SNTG1: variants seen among roughly 807,000 people sequenced by gnomAD.
SNTG1 encodes the protein syntrophin gamma 1, also known as gamma-1-syntrophin.
SNTG1 carries 39 observed loss-of-function variants against 74.7 expected under a neutral mutation model. The observed-to-expected ratio is 0.52, with a 90% CI of 0.40 to 0.68. The LOEUF (loss-of-function observed/expected upper bound fraction) is 0.68. Ranked by LOEUF, SNTG1 falls within the 30% of genes least tolerant of loss-of-function variation. The pLI, the probability that SNTG1 is intolerant of heterozygous loss-of-function variation, is 0.00. For missense variants in SNTG1, 685 were observed against 609.5 expected (o/e 1.12, Z -1.30); for synonymous variants, 254 against 217.1 (o/e 1.17, Z -1.49).
intron 15 of SNTG1, among the ~76,000 whole-genome samples, chr8:50,661,940 A>G (rs1244900586): frequency 6.6e-6 from 1 of 152,106 alleles, no homozygotes; most frequent in African/African-American, 2.4e-5. Context: ...CCTTTTCCCA[A>G]AGGAAAATTT....
chr8:49,987,361 TAAAC>T (rs1813262296), intron 1 of SNTG1, among the ~76,000 whole-genome samples: 1 of 151,994 alleles, frequency 6.6e-6, no homozygotes, highest in Non-Finnish European at 1.5e-5. Context: ...CAAAAGTAAA[TAAAC>T]AATTATTTAA....
chr8:50,687,141 C>CA (rs1167132296), intron 15 of SNTG1, among the ~76,000 whole-genome samples: 1,973 of 64,086 alleles, frequency 0.031, 27 homozygotes, highest in Middle Eastern at 0.087. Flanking sequence ...GACTCCGTCT[C>CA]AAAAAAAAAA....
intron 5 of SNTG1, among the ~76,000 whole-genome samples, chr8:50,446,327 T>A (rs775051233): frequency 4.9e-4 from 74 of 150,984 alleles, no homozygotes; most frequent in Non-Finnish European, 9.4e-4. Context: ...GAAGTCATTT[T>A]CAGAAATTAG....
At chr8:50,510,839 A>G (rs1241878084) in intron 9 of SNTG1, among the ~76,000 whole-genome samples, 4 of 151,534 alleles carry the variant, frequency 2.6e-5, no homozygotes, top group African/African-American at 9.7e-5. Context: ...GCGGTCTATC[A>G]ATTTTGTTGA....
chr8:49,921,731 A>T (rs1311540458), intron 1 of SNTG1, among the ~76,000 whole-genome samples: 1 of 152,118 alleles, frequency 6.6e-6, no homozygotes, highest in Non-Finnish European at 1.5e-5. Context: ...AACCAAAAAG[A>T]TACACATACT....
intron 2 of SNTG1, among the ~76,000 whole-genome samples, chr8:50,291,704 A>G (rs576385465): frequency 6.6e-6 from 1 of 152,306 alleles, no homozygotes; most frequent in Non-Finnish European, 1.5e-5. Context: ...CTGAGTGAAG[A>G]ATAGGCTACA....
At chr8:50,379,258 A>C (rs2092440984) in intron 2 of SNTG1, among the ~76,000 whole-genome samples, 1 of 152,282 alleles carries the variant, frequency 6.6e-6, no homozygotes, top group Middle Eastern at 3.4e-3. Flanking sequence ...CTCCGAGATC[A>C]GAGTAAGTGC....
chr8:50,359,363 T>C (rs928565090), intron 2 of SNTG1, among the ~76,000 whole-genome samples: 1 of 152,232 alleles, frequency 6.6e-6, no homozygotes, highest in African/African-American at 2.4e-5. Flanking sequence ...GAACCAAGGC[T>C]GGAATTTATC....
At chr8:49,998,185 A>G (rs1814412223) in intron 1 of SNTG1, among the ~76,000 whole-genome samples, 1 of 152,154 alleles carries the variant, frequency 6.6e-6, no homozygotes, top group South Asian at 2.1e-4. Context: ...TACAGTATAT[A>G]AGATCAATAA....
At chr8:50,468,197 C>G (rs1371867270) in intron 8 of SNTG1, among the ~76,000 whole-genome samples, 1 of 151,880 alleles carries the variant, frequency 6.6e-6, no homozygotes, top group African/African-American at 2.4e-5. Flanking sequence ...CTGCTACCTG[C>G]TTGAACTATC....
At chr8:50,623,902 A>G (rs1444915254) in intron 13 of SNTG1, among the ~76,000 whole-genome samples, 2 of 152,000 alleles carry the variant, frequency 1.3e-5, no homozygotes, top group East Asian at 1.9e-4. Flanking sequence ...TCTTAAAATT[A>G]TACTCAATTA....
intron 13 of SNTG1, among the ~76,000 whole-genome samples, chr8:50,623,779 A>G (rs767669733): frequency 3.3e-5 from 5 of 152,024 alleles, no homozygotes; most frequent in Non-Finnish European, 5.9e-5. Context: ...TGGTCTCATA[A>G]TATCAACATA....
chr8:50,288,830 T>C (rs1214648469), intron 2 of SNTG1, among the ~76,000 whole-genome samples: 1 of 152,198 alleles, frequency 6.6e-6, no homozygotes, highest in Non-Finnish European at 1.5e-5. Flanking sequence ...AGGAATTGCA[T>C]GTTATAGGTT....
chr8:50,354,912 C>T (rs2091774993), intron 2 of SNTG1, among the ~76,000 whole-genome samples: 1 of 152,128 alleles, frequency 6.6e-6, no homozygotes, highest in Non-Finnish European at 1.5e-5. Context: ...ATCTGACTGT[C>T]TTAAATTAGA....
intron 1 of SNTG1, among the ~76,000 whole-genome samples, chr8:50,104,613 T>C (rs1235262658): frequency 5.9e-5 from 9 of 152,162 alleles, no homozygotes; most frequent in Non-Finnish European, 1.2e-4. Flanking sequence ...AGCTTTTGAA[T>C]GTGTTTGCTC....
intron 2 of SNTG1, among the ~76,000 whole-genome samples, chr8:50,249,548 C>A (rs1343220523): frequency 6.6e-6 from 1 of 152,214 alleles, no homozygotes; most frequent in Non-Finnish European, 1.5e-5. Flanking sequence ...CTGCCCCTTA[C>A]AGACCAGGCA....
At chr8:50,484,490 C>G (rs558728506) in intron 8 of SNTG1, among the ~76,000 whole-genome samples, 3 of 150,420 alleles carry the variant, frequency 2.0e-5, no homozygotes, top group African/African-American at 4.9e-5. Context: ...GCTGTGATTA[C>G]AGGCGTGAGC....
At chr8:50,165,345 A>G (rs2082575430) in intron 1 of SNTG1, among the ~76,000 whole-genome samples, 1 of 152,204 alleles carries the variant, frequency 6.6e-6, no homozygotes, top group Non-Finnish European at 1.5e-5. Context: ...GGCTTTAGCA[A>G]ACTGATGTTT....
chr8:50,231,076 G>A (rs1302569459), intron 2 of SNTG1, among the ~76,000 whole-genome samples: 5 of 151,060 alleles, frequency 3.3e-5, no homozygotes, highest in African/African-American at 4.8e-5. Context: ...ATTAAGAAAT[G>A]GGCAAGGAAA....
Sources: gnomAD v4.1 joint callset for allele counts (sites outside exome capture counted in the v4.1 genomes callset) on GRCh38, gnomAD v4.1.1 for gene constraint, MANE v1.5 for transcripts, NCBI Gene and HGNC (gene_info 2026-07-23, HGNC 2026-07-21) for gene names.